Variants in SUCLG2 observed in about 807,000 individuals in gnomAD.
The protein encoded by SUCLG2 is succinate--CoA ligase [GDP-forming] subunit beta, mitochondrial.
In SUCLG2, 42 loss-of-function variants were observed where a neutral mutation model predicts 47.9. The ratio of observed to expected loss-of-function variants is 0.88; its 90% CI spans 0.69 to 1.14. The LOEUF is 1.14. Ranked by LOEUF, SUCLG2 falls within the 50% of genes most tolerant of loss-of-function variation. The pLI is 0.00. For synonymous variants in SUCLG2, 195 were observed against 197.3 expected, an observed-to-expected ratio of 0.99 and a Z score of 0.10; for missense variants, 571 against 525.9, an observed-to-expected ratio of 1.09 and a Z score of -0.84.
intron 7 of SUCLG2, among the ~76,000 whole-genome samples, chr3:67,504,375 G>T (rs1477045413): frequency 6.6e-6 from 1 of 152,076 alleles, no homozygotes; most frequent in Non-Finnish European, 1.5e-5. Flanking sequence ...GCAACGGGGT[G>T]GTTATTTAGG....
chr3:67,404,898 C>A (rs1485507880), intron 9 of SUCLG2, among the ~76,000 whole-genome samples: 1 of 151,968 alleles, frequency 6.6e-6, no homozygotes, highest in African/African-American at 2.4e-5. Context: ...TTTACAACCA[C>A]TAACTGCTGT....
intron 4 of SUCLG2, among the ~76,000 whole-genome samples, chr3:67,521,990 G>A (rs1706121527): frequency 6.6e-6 from 1 of 151,898 alleles, no homozygotes; most frequent in African/African-American, 2.4e-5. Context: ...TGATTACATG[G>A]TATTTATATG....
chr3:67,434,012 C>G (rs1401492308), intron 9 of SUCLG2, among the ~76,000 whole-genome samples: 1 of 152,192 alleles, frequency 6.6e-6, no homozygotes, highest in Non-Finnish European at 1.5e-5. Context: ...GAGGCCACCA[C>G]ACATACACTA....
chr3:67,592,949 C>A (rs1161954423), intron 2 of SUCLG2, among the ~76,000 whole-genome samples: 1 of 152,280 alleles, frequency 6.6e-6, no homozygotes, highest in South Asian at 2.1e-4. Flanking sequence ...TCCATGGCTT[C>A]CTTGCTTACT....
chr3:67,651,168 GGC>G (rs1346928163), intron 1 of SUCLG2, among the ~76,000 whole-genome samples: 1 of 152,142 alleles, frequency 6.6e-6, no homozygotes, highest in Non-Finnish European at 1.5e-5. Context: ...TATAACAGGG[GGC>G]GTGTACAGTA....
At chr3:67,435,296 T>C (rs1703590846) in intron 9 of SUCLG2, among the ~76,000 whole-genome samples, 1 of 152,164 alleles carries the variant, frequency 6.6e-6, no homozygotes, top group African/African-American at 2.4e-5. Flanking sequence ...GGAAGAATAA[T>C]AAACTTAAAA....
chr3:67,570,854 T>C (rs1707589048), intron 2 of SUCLG2, among the ~76,000 whole-genome samples: 1 of 152,296 alleles, frequency 6.6e-6, no homozygotes, highest in Non-Finnish European at 1.5e-5. Context: ...TTCCCTGTAA[T>C]GTAATAGTAA....
chr3:67,491,091 G>A (rs1451407109), intron 9 of SUCLG2, among the ~76,000 whole-genome samples: 2 of 152,110 alleles, frequency 1.3e-5, no homozygotes, highest in Non-Finnish European at 2.9e-5. Flanking sequence ...GGAGGCCCAG[G>A]CGGGAGGACC....
intron 2 of SUCLG2, among the ~76,000 whole-genome samples, chr3:67,581,097 C>A (rs1707867656): frequency 6.6e-6 from 1 of 152,184 alleles, no homozygotes; most frequent in Admixed American, 6.5e-5. Context: ...ACTTGGATAT[C>A]CAGTCACTTT....
intron 10 of SUCLG2, among the ~76,000 whole-genome samples, chr3:67,378,298 G>A (rs1320149330): frequency 6.6e-6 from 1 of 152,218 alleles, no homozygotes; most frequent in Non-Finnish European, 1.5e-5. Flanking sequence ...CATGGCAAAA[G>A]TGATGGAGTG....
intron 1 of SUCLG2, among the ~76,000 whole-genome samples, chr3:67,647,386 C>T (rs1289054216): frequency 6.6e-6 from 1 of 152,202 alleles, no homozygotes; most frequent in Non-Finnish European, 1.5e-5. Context: ...ATACTCAGTA[C>T]ACTGGTCAAA....
At chr3:67,446,600 C>CTT (rs58758029) in intron 9 of SUCLG2, among the ~76,000 whole-genome samples, 2 of 140,000 alleles carry the variant, frequency 1.4e-5, no homozygotes, top group Admixed American at 7.1e-5. Flanking sequence ...TGGCTAATTT[C>CTT]TTTTTTTTTT....
chr3:67,635,424 G>C (rs1375784972), intron 1 of SUCLG2, among the ~76,000 whole-genome samples: 1 of 152,166 alleles, frequency 6.6e-6, no homozygotes, highest in Non-Finnish European at 1.5e-5. Flanking sequence ...AAAAAGCTGA[G>C]ATCCCAGTGA....
chr3:67,593,747 A>G (rs2107282992), intron 2 of SUCLG2, among the ~76,000 whole-genome samples: 1 of 152,264 alleles, frequency 6.6e-6, no homozygotes, highest in South Asian at 2.1e-4. Flanking sequence ...GGAACTCCTC[A>G]TTTTTGAGCA....
chr3:67,607,568 G>A (rs1264071777), intron 2 of SUCLG2, among the ~76,000 whole-genome samples: 10 of 152,184 alleles, frequency 6.6e-5, no homozygotes, highest in Non-Finnish European at 1.2e-4. Flanking sequence ...CTCACTGAAA[G>A]GCAGACAGCA....
At position 67,395,945 on chromosome 3, in the gene SUCLG2, C is replaced by T. The variant is rs563348628; in HGVS notation, c.1183+4786G>A. On this transcript the variant is annotated intron_variant, in intron 10 of 10. Coordinates refer to ENST00000307227, the MANE Select transcript of SUCLG2 (RefSeq NM_003848.4). ...TACTGGGTACATAAGTAAATGAAGG[C>T]AGAAATAAAGATGTTTTTTGAAACC... Among the ~76,000 whole-genome samples, 13 of 152,206 alleles carry T rather than the reference C, an allele frequency of 8.5e-5. No homozygotes were observed. In the East Asian group the frequency reaches 2.3e-3, roughly 27 times the overall value.
intron 1 of SUCLG2, among the ~76,000 whole-genome samples, chr3:67,626,545 T>C (rs1700832883): frequency 6.6e-6 from 1 of 151,684 alleles, no homozygotes; most frequent in Non-Finnish European, 1.5e-5. Flanking sequence ...CAGACCAACA[T>C]CATGAAAGAG....
chr3:67,417,262 T>G (rs184797490), intron 9 of SUCLG2, among the ~76,000 whole-genome samples: 56 of 152,352 alleles, frequency 3.7e-4, no homozygotes, highest in African/African-American at 1.3e-3. Context: ...TTGGAAATAA[T>G]TAAAGATCTG....
rs770849375 is a variant in SUCLG2, at chr3:67,635,086, T to C, written c.84+19417A>G. On this transcript the variant is annotated intron_variant, in intron 1 of 10. Transcript: ENST00000307227. ...ATTCTCATCTATTATACTATGATTTTTGCGATATTCAACACTGCTTCCAAC... is the reference window on the plus strand; with the variant it reads ...ATTCTCATCTATTATACTATGATTTCTGCGATATTCAACACTGCTTCCAAC... 1.0e-3 allele frequency among the ~76,000 whole-genome samples: 159 copies of C among 152,196 alleles called. 1 individual carries two copies. The highest frequency in any genetic ancestry group is 1.8e-3 in the Non-Finnish European group (121 of 68,048).
Sources: gnomAD v4.1 joint callset for allele counts (sites outside exome capture counted in the v4.1 genomes callset) on GRCh38, gnomAD v4.1.1 for gene constraint, MANE v1.5 for transcripts, NCBI Gene and HGNC (gene_info 2026-07-23, HGNC 2026-07-21) for gene names.